Variants in FGGY observed in about 807,000 individuals in gnomAD.
FGGY encodes FGGY carbohydrate kinase domain-containing protein.
A neutral mutation model predicts 71.3 loss-of-function variants in FGGY; 72 were observed. The observed-to-expected ratio is 1.01, with a 90% confidence interval of 0.84 to 1.23. The LOEUF is 1.23. FGGY is among the 50% of genes most tolerant of loss of function. FGGY has a pLI of 0.00. For missense variants in FGGY, 668 were observed against 682.3 expected, an observed-to-expected ratio of 0.98 and a Z score of 0.23; for synonymous variants, 251 against 250.3, an observed-to-expected ratio of 1.00 and a Z score of -0.02.
intron 8 of FGGY, among the ~76,000 whole-genome samples, chr1:59,557,197 C>T (rs904854275): frequency 4.6e-5 from 7 of 152,052 alleles, no homozygotes; most frequent in Non-Finnish European, 1.0e-4. Context: ...GCAAATAAAA[C>T]CGCCACTGTG....
At chr1:59,566,620 GA>G (rs999773230) in intron 8 of FGGY, among the ~76,000 whole-genome samples, 10 of 148,680 alleles carry the variant, frequency 6.7e-5, no homozygotes, top group South Asian at 6.4e-4. Context: ...ACTGCCAATA[GA>G]AAAAAAAAAG....
chr1:59,309,264 T>G (rs2043894234), intron 1 of FGGY, among the ~76,000 whole-genome samples: 1 of 152,196 alleles, frequency 6.6e-6, no homozygotes, highest in South Asian at 2.1e-4. Flanking sequence ...CTTAGTGTTG[T>G]TTTGATTTAT....
intron 6 of FGGY, among the ~76,000 whole-genome samples, chr1:59,466,206 C>G (rs1282167239): frequency 6.6e-6 from 1 of 152,188 alleles, no homozygotes; most frequent in East Asian, 1.9e-4. Flanking sequence ...CACCACACAT[C>G]TACAACCATC....
intron 2 of FGGY, among the ~76,000 whole-genome samples, chr1:59,327,284 A>G (rs778058498): frequency 7.9e-5 from 12 of 152,214 alleles, no homozygotes; most frequent in African/African-American, 1.9e-4. Flanking sequence ...AGTTAAGTTT[A>G]TGTACTATTC....
intron 15 of FGGY, 128 bp from the exon 16 acceptor site, chr1:59,762,375 T>A: frequency 1.5e-6 from 1 of 662,736 alleles, no homozygotes; most frequent in Non-Finnish European, 2.6e-6. Context: ...CCCAGGATGC[T>A]GTAAGCATTC....
At position 59,617,639 on chromosome 1, in the gene FGGY, G is replaced by C. The variant is rs574575158; in HGVS notation, c.1012-8349G>C. Among the ~76,000 whole-genome samples the C allele has an allele frequency of 3.1e-3, 467 of 152,104 alleles. 1 individual carries two copies. Among genetic ancestry groups the C allele is most frequent in the Non-Finnish European group, 5.0e-3 (340 of 67,976 alleles). On this transcript the variant is annotated intron_variant, in intron 9 of 15. Transcript: ENST00000303721. The stretch of plus-strand genomic sequence containing the variant: ...ACTTTGTCCACAGAACACTGACCCC[G>C]TGCAGTTCCTACATCCAGATACTGA...
At chr1:59,477,467 A>G (rs757142995) in intron 6 of FGGY, among the ~76,000 whole-genome samples, 16 of 152,144 alleles carry the variant, frequency 1.1e-4, no homozygotes, top group Non-Finnish European at 2.1e-4. Flanking sequence ...CATGAACCCT[A>G]TTGATCCCAG....
intron 6 of FGGY, among the ~76,000 whole-genome samples, chr1:59,458,130 T>G (rs12090720): frequency 0.029 from 4,380 of 152,306 alleles, 199 homozygotes; most frequent in African/African-American, 0.1. Context: ...AATTTCAGCT[T>G]CAGTTACCTA....
At chr1:59,436,075 C>T (rs984713137) in intron 5 of FGGY, among the ~76,000 whole-genome samples, 3 of 152,116 alleles carry the variant, frequency 2.0e-5, no homozygotes, top group African/African-American at 7.2e-5. Context: ...GCCTCCCTAC[C>T]GCGCTCAGGT....
At chr1:59,305,650 A>G (rs1402936576) in intron 1 of FGGY, among the ~76,000 whole-genome samples, 3 of 152,154 alleles carry the variant, frequency 2.0e-5, no homozygotes, top group African/African-American at 4.8e-5. Context: ...AATTGTTTAA[A>G]TGCTTGGTAG....
chr1:59,697,377 C>A (rs924207451), intron 14 of FGGY, among the ~76,000 whole-genome samples: 1 of 152,156 alleles, frequency 6.6e-6, no homozygotes, highest in African/African-American at 2.4e-5. Context: ...CCCCTAGCAA[C>A]CACCATTCTA....
chr1:59,694,130 A>T (rs2097628328), intron 14 of FGGY, among the ~76,000 whole-genome samples: 1 of 151,664 alleles, frequency 6.6e-6, no homozygotes, highest in Admixed American at 6.6e-5. Flanking sequence ...TCTACTAAAA[A>T]TACAAAAAAT....
chr1:59,584,135 A>G (rs957044242), intron 8 of FGGY, among the ~76,000 whole-genome samples: 1 of 149,934 alleles, frequency 6.7e-6, no homozygotes, highest in African/African-American at 2.5e-5. Context: ...GCCAATAGAA[A>G]AAGAGGGAAT....
chr1:59,482,111 T>C (rs759634358), intron 6 of FGGY, among the ~76,000 whole-genome samples: 1 of 152,176 alleles, frequency 6.6e-6, no homozygotes, highest in East Asian at 1.9e-4. Flanking sequence ...AGATCTGTAT[T>C]CTCTTGGGTA....
chr1:59,513,083 A>G (rs772223718), intron 7 of FGGY, among the ~76,000 whole-genome samples: 4 of 152,208 alleles, frequency 2.6e-5, no homozygotes, highest in Non-Finnish European at 4.4e-5. Context: ...CCTCATCCTT[A>G]TTGCAGGTTG....
chr1:59,438,086 A>T (rs1462184403), intron 5 of FGGY, among the ~76,000 whole-genome samples: 1 of 152,224 alleles, frequency 6.6e-6, no homozygotes, highest in Non-Finnish European at 1.5e-5. Context: ...GAGGGCCAGT[A>T]TATGGGTCAG....
chr1:59,755,810 A>G (rs976266657), intron 14 of FGGY: 4 of 152,188 alleles, frequency 2.6e-5, no homozygotes, highest in African/African-American at 9.6e-5. Flanking sequence ...CGATCCTGGA[A>G]TGTTGTCTCA....
intron 11 of FGGY, among the ~76,000 whole-genome samples, chr1:59,658,579 C>T (rs1173475948): frequency 6.6e-6 from 1 of 152,170 alleles, no homozygotes; most frequent in Non-Finnish European, 1.5e-5. Context: ...CAAGAGTAAA[C>T]ACTGGAGAAG....
intron 9 of FGGY, among the ~76,000 whole-genome samples, chr1:59,615,872 TG>T (rs2096747179): frequency 6.6e-6 from 1 of 152,178 alleles, no homozygotes; most frequent in Non-Finnish European, 1.5e-5. Flanking sequence ...AAGACATTTA[TG>T]TAGCCAAAAG....
Sources: gnomAD v4.1 joint callset for allele counts (sites outside exome capture counted in the v4.1 genomes callset) on GRCh38, gnomAD v4.1.1 for gene constraint, MANE v1.5 for transcripts, NCBI Gene and HGNC (gene_info 2026-07-23, HGNC 2026-07-21) for gene names.